HPD: variants seen among roughly 807,000 people sequenced by gnomAD.
HPD encodes 4-hydroxyphenylpyruvate dioxygenase.
A neutral mutation model predicts 56.9 loss-of-function variants in HPD; 35 were observed. The ratio of observed to expected loss-of-function variants is 0.62; its 90% CI spans 0.47 to 0.82. The LOEUF is 0.82. HPD is among the 40% of genes least tolerant of loss of function. The pLI, the probability that HPD is intolerant of heterozygous loss-of-function variation, is 0.00. For missense variants in HPD, 442 were observed against 506.8 expected, an observed-to-expected ratio of 0.87 and a Z score of 1.23; for synonymous variants, 186 against 200.2, an observed-to-expected ratio of 0.93 and a Z score of 0.60.
At position 121,839,948 on chromosome 12, in the gene HPD, T is replaced by C. The variant is rs774035327; in HGVS notation, c.1055A>G (p.Gln352Arg). Residue 352 changes from glutamine to arginine, a missense_variant, in exon 13 of 14, where the codon CAG becomes CGG. Gln to Arg is a conservative substitution (Grantham distance 43). Coordinates refer to ENST00000289004, the MANE Select transcript of HPD (RefSeq NM_002150.3). ...DRPTLFLEVI[Q>R]RHNHQGFGAG... ...AAGCAGTACCTGGTGGTTGTGGCGC[T>C]GGATGACTTCCAGGAAGAGCGTGGG... The C allele has an allele frequency of 6.2e-7, 1 of 1,613,860 alleles. No individual in the cohort carries two copies. The highest frequency in any genetic ancestry group is 8.5e-7 in the Non-Finnish European group (1 of 1,179,774).
At chr12:121,869,802 G>A in the HPD span, among the ~76,000 whole-genome samples, 2 of 152,158 alleles carry the variant, frequency 1.3e-5, no homozygotes, top group Non-Finnish European at 2.9e-5. Flanking sequence ...TGGAATTACT[G>A]GCGTGAGCCA....
intron 11 of HPD, among the ~76,000 whole-genome samples, chr12:121,845,368 G>A (rs991983239): frequency 2.7e-5 from 4 of 149,504 alleles, no homozygotes; most frequent in African/African-American, 1.0e-4. Context: ...AGGCCAAGGT[G>A]GGCAGATCAC....
chr12:121,839,703 G>A lies in HPD; in HGVS notation c.*25C>T, dbSNP rs376869488. 5 of 1,513,562 alleles carry A rather than the reference G, an allele frequency of 3.3e-6. No homozygotes were observed. In the African/African-American group the frequency reaches 6.9e-5, roughly 21 times the overall value. The allele number at this position is 1,513,562 out of a possible 1,614,324, so 93.8% of individuals were successfully genotyped here. A position where few individuals can be genotyped will look rare whatever the true frequency, so the allele number is the denominator to read the frequency against. ...AATCAGGGGGCGTGGCTGTGTGGCTGTGGCCTCCGTGGGGTGGGCGGGGCT... is the reference window on the plus strand; with the variant it reads ...AATCAGGGGGCGTGGCTGTGTGGCTATGGCCTCCGTGGGGTGGGCGGGGCT... On this transcript the variant is annotated 3_prime_UTR_variant, in exon 14 of 14. Transcript: ENST00000289004.
chr12:121,851,687 A>ATTATTTTTTT (rs1877778845), intron 7 of HPD, among the ~76,000 whole-genome samples: 1 of 92,400 alleles, frequency 1.1e-5, no homozygotes, highest in African/African-American at 4.3e-5. Flanking sequence ...TTATTCATTT[A>ATTATTTTTTT]TTTATTTATT....
chr12:121,845,105 A>G (rs1877535393), intron 11 of HPD, among the ~76,000 whole-genome samples: 1 of 148,380 alleles, frequency 6.7e-6, no homozygotes, highest in Admixed American at 6.6e-5. Context: ...ATATATATAT[A>G]TATACACACA....
At chr12:121,843,102 A>G (rs569707849) in intron 12 of HPD, among the ~76,000 whole-genome samples, 1 of 152,314 alleles carries the variant, frequency 6.6e-6, no homozygotes, top group African/African-American at 2.4e-5. Context: ...AAATCATAGA[A>G]TTGTACACCT....
chr12:121,870,577 A>T, the HPD span, among the ~76,000 whole-genome samples: 1 of 150,070 alleles, frequency 6.7e-6, no homozygotes, highest in East Asian at 1.9e-4. Flanking sequence ...TCTTTGAGAC[A>T]ATAGGGAGCT....
chr12:121,855,827 G>A (rs777346557), intron 6 of HPD, among the ~76,000 whole-genome samples: 3 of 151,804 alleles, frequency 2.0e-5, no homozygotes, highest in Non-Finnish European at 4.4e-5. Context: ...AAAACTAGCC[G>A]GGCGTGGTGG....
At chr12:121,877,044 A>T in the HPD span, among the ~76,000 whole-genome samples, 2 of 150,384 alleles carry the variant, frequency 1.3e-5, no homozygotes, top group Admixed American at 6.7e-5. Flanking sequence ...CAGTGAGCCA[A>T]GATTGCGTCA....
the HPD span, among the ~76,000 whole-genome samples, chr12:121,871,864 A>T: frequency 6.6e-6 from 1 of 151,816 alleles, no homozygotes; most frequent in Non-Finnish European, 1.5e-5. Context: ...GGACCGTAGG[A>T]TGTCCTCTGT....
intron 7 of HPD, among the ~76,000 whole-genome samples, chr12:121,854,102 A>G (rs1877907720): frequency 6.6e-6 from 1 of 151,900 alleles, no homozygotes; most frequent in South Asian, 2.1e-4. Context: ...ACAAAAAAGA[A>G]AAAATTAGCC....
intron 9 of HPD, among the ~76,000 whole-genome samples, chr12:121,847,432 T>G (rs1877624459): frequency 6.6e-6 from 1 of 152,078 alleles, no homozygotes; most frequent in African/African-American, 2.4e-5. Flanking sequence ...CAGTCTTGGC[T>G]CACTGCAGCC....
intron 4 of HPD, 89 bp downstream of exon 4, chr12:121,857,239 C>T (rs1377212852): frequency 6.8e-6 from 6 of 878,302 alleles, no homozygotes; most frequent in Admixed American, 1.7e-5. Flanking sequence ...ACCATCATGC[C>T]CAGCTAATTT....
At chr12:121,869,309 C>T in the HPD span, among the ~76,000 whole-genome samples, 1 of 148,596 alleles carries the variant, frequency 6.7e-6, no homozygotes, top group Admixed American at 6.8e-5. Flanking sequence ...AGGATCGCGC[C>T]ATTGCCCTCC....
In HPD at chr12:121,841,869, G is replaced by C. The variant is rs188163440; in HGVS notation, c.955-1821C>G. ...CCAGCTAATTTTTGTATTTTTAGTA[G>C]AGACAGGGTTTCACCATGTTGGCCA... On this transcript the variant is annotated intron_variant, in intron 12 of 13. Coordinates refer to ENST00000289004, the MANE Select transcript of HPD (RefSeq NM_002150.3). 1.1e-3 allele frequency among the ~76,000 whole-genome samples: 170 copies of C among 152,052 alleles called. 5 individuals are homozygous for C. The highest frequency in any genetic ancestry group is 4.2e-4 in the South Asian group (2 of 4,806).
At chr12:121,873,689 G>A in the HPD span, among the ~76,000 whole-genome samples, 1 of 152,136 alleles carries the variant, frequency 6.6e-6, no homozygotes. Context: ...GCGTGCTGGC[G>A]GGCGCCTGTG....
chr12:121,861,557 C>G (rs1878174066), upstream of HPD, among the ~76,000 whole-genome samples: 2 of 152,010 alleles, frequency 1.3e-5, no homozygotes, highest in Non-Finnish European at 2.9e-5. Context: ...GTCTCAGTTA[C>G]TGATAGTTCT....
chr12:121,875,694 G>A, the HPD span, among the ~76,000 whole-genome samples: 133 of 152,122 alleles, frequency 8.7e-4, 2 homozygotes, highest in Middle Eastern at 3.4e-3. Context: ...CCAAAGTGTT[G>A]GGATTACAGG....
chr12:121,875,757 T>A, the HPD span, among the ~76,000 whole-genome samples: 1 of 151,964 alleles, frequency 6.6e-6, no homozygotes, highest in African/African-American at 2.4e-5. Context: ...CAACATGAAG[T>A]CATTGAACTT....
Sources: gnomAD v4.1 joint callset for allele counts (sites outside exome capture counted in the v4.1 genomes callset) on GRCh38, gnomAD v4.1.1 for gene constraint, MANE v1.5 for transcripts, NCBI Gene and HGNC (gene_info 2026-07-23, HGNC 2026-07-21) for gene names.